Variants in SLC22A17 observed in about 807,000 individuals in gnomAD.
SLC22A17 encodes solute carrier family 22 member 17, also known as 24p3 receptor.
Under a neutral mutation model 53.6 loss-of-function variants are expected in SLC22A17, and 38 were observed. That is an observed-to-expected ratio of 0.71 (90% CI 0.55 to 0.93). The LOEUF is 0.93. Ranked by LOEUF, SLC22A17 falls within the 40% of genes least tolerant of loss-of-function variation. The pLI is 0.00. For synonymous variants in SLC22A17, 379 were observed against 353.0 expected, an observed-to-expected ratio of 1.07 and a Z score of -0.82; for missense variants, 704 against 791.0, an observed-to-expected ratio of 0.89 and a Z score of 1.32.
rs778843965 is a variant in SLC22A17 at position 23,347,411 on chromosome 14, G to C, written c.1549+49C>G. 1 of 1,592,324 alleles carries C rather than the reference G, an allele frequency of 6.3e-7. No individual in the cohort carries two copies. The highest frequency in any genetic ancestry group is 1.2e-5 in the South Asian group (1 of 86,812). Reference sequence around the variant, plus strand: ...AAGAGCTGGGCAGGGTCTGGGGCTTGTCTTGGGAGGCCTGTGCCAGAAGAA... The same window carrying C: ...AAGAGCTGGGCAGGGTCTGGGGCTTCTCTTGGGAGGCCTGTGCCAGAAGAA... On this transcript the variant is annotated intron_variant, in intron 8 of 9. Transcript: ENST00000397267. The surrounding 1 kb of genome is among the most constrained non-coding windows in gnomAD (Gnocchi z 5.1).
chr14:23,347,670 C>A lies in SLC22A17; in HGVS notation c.1339G>T (p.Asp447Tyr), dbSNP rs1180146545. ...GCCAGCAGAGAGCACAGGTAGAAGT[C>A]CGATGGGCTCCCTCCTCCTCCCACA... Residue 447 changes from aspartate to tyrosine, a missense_variant, in exon 8 of 10, where the codon GAC becomes TAC. Transcript: ENST00000397267. This position sits in a 1 kb window ranked among gnomAD's most constrained non-coding sequence, Gnocchi z 5.1. 1.9e-6 allele frequency: 3 copies of A among 1,614,026 alleles called. No homozygotes were observed. Among genetic ancestry groups the A allele is most frequent in the South Asian group, 2.2e-5 (2 of 91,080 alleles).
intron 2 of SLC22A17, 34 bp downstream of exon 2, chr14:23,351,914 G>T (rs1412531745): frequency 6.2e-7 from 1 of 1,611,224 alleles, no homozygotes; most frequent in Middle Eastern, 1.7e-4. Context: ...CTCTCTGCCC[G>T]CCCCCAGACC....
chr14:23,351,689 C>G, intron 3 of SLC22A17, 63 bp downstream of exon 3: 1 of 1,464,292 alleles, frequency 6.8e-7, no homozygotes, highest in Non-Finnish European at 9.4e-7. Flanking sequence ...ACGCCCGCTG[C>G]TTGGGTTAGC....
chr14:23,350,784 A>T (rs1889576966), intron 3 of SLC22A17: 1 of 152,364 alleles, frequency 6.6e-6, no homozygotes, highest in Admixed American at 6.5e-5. Context: ...TGTGGCAATG[A>T]GGCCACTGAT....
Position 23,352,129 on chromosome 14 carries a change from T to C in SLC22A17, c.419A>G (p.Gln140Arg), listed in dbSNP as rs772615374. 6.3e-7 allele frequency: 1 copy of C among 1,578,680 alleles called. No homozygotes were observed. Among genetic ancestry groups the C allele is most frequent in the Non-Finnish European group, 8.6e-7 (1 of 1,164,188 alleles). Residue 140 changes from glutamine (Q) to arginine (R), a missense_variant, in exon 2 of 10, where the codon CAG (glutamine) becomes CGG (arginine). Gln to Arg is a conservative substitution (Grantham distance 43). Coordinates refer to ENST00000397267, the Ensembl canonical transcript of SLC22A17. This position sits in a 1 kb window ranked among gnomAD's most constrained non-coding sequence, Gnocchi z 7.2. ...GCTGACGCCGCTGGCATTGGGAGGC[T>C]GCTCCCAGCCAGAGGCATTAGGGGG...
rs1296375264 is a variant in SLC22A17 at position 23,348,882 on chromosome 14, C to T, written c.860-211G>A. ...CCTCTCCTGCTCAAACCTAGGAGGG[C>T]TCTAGGGCCAGAGTCCTGGGTGAGT... On this transcript the variant is annotated intron_variant, in intron 4 of 9. Transcript: ENST00000397267. The surrounding 1 kb of genome is among the most constrained non-coding windows in gnomAD (Gnocchi z 4.5). The T allele has an allele frequency of 1.6e-6, 1 of 612,732 alleles. No homozygotes were observed. The highest frequency in any genetic ancestry group is 2.8e-6 in the Non-Finnish European group (1 of 352,050). 38.0% of individuals were successfully genotyped at this position (612,732 alleles called of 1,614,324 possible). A position where few individuals can be genotyped will look rare whatever the true frequency, so the allele number is the denominator to read the frequency against.
chr14:23,349,590 G>C, intron 3 of SLC22A17, 164 bp from the exon 4 acceptor site: 6 of 786,240 alleles, frequency 7.6e-6, no homozygotes, highest in Non-Finnish European at 1.2e-5. Context: ...GGGACCATGG[G>C]TGGGTGATGC....
At chr14:23,349,303 A>C in exon 4 of SLC22A17, 8 of 1,614,052 alleles carry the variant, frequency 5.0e-6, no homozygotes, top group Non-Finnish European at 6.8e-6. Flanking sequence ...CAACACCGGC[A>C]AGCAGAAAGC....
chr14:23,349,721 A>T, intron 3 of SLC22A17: 1 of 470,588 alleles, frequency 2.1e-6, no homozygotes, highest in Non-Finnish European at 3.8e-6. Context: ...AACAGAGGGG[A>T]TGGGATATTG....
chr14:23,347,009 C>T lies in SLC22A17; in HGVS notation c.1662-73G>A. 3 of 1,499,926 alleles carry T rather than the reference C, an allele frequency of 2.0e-6. No homozygotes were observed. The highest frequency in any genetic ancestry group is 2.7e-6 in the Non-Finnish European group (3 of 1,123,432). 92.9% of individuals were successfully genotyped at this position (1,499,926 alleles called of 1,614,324 possible). ...GGGCCCTTCTCCCGCAGCCCCCCTC[C>T]TCCAGCCCGCAGGCCCTGTCCTCAG... On this transcript the variant is annotated intron_variant, in intron 9 of 9. Transcript: ENST00000397267. The surrounding 1 kb of genome is among the most constrained non-coding windows in gnomAD (Gnocchi z 5.1).
Position 23,348,783 on chromosome 14 carries a change from G to T in SLC22A17, c.860-112C>A. 8.4e-7 allele frequency: 1 copy of T among 1,194,044 alleles called. No homozygotes were observed. Among genetic ancestry groups the T allele is most frequent in the Non-Finnish European group, 1.1e-6 (1 of 873,296 alleles). 74.0% of individuals were successfully genotyped at this position (1,194,044 alleles called of 1,614,324 possible). On this transcript the variant is annotated intron_variant, in intron 4 of 9. Coordinates refer to ENST00000397267, the Ensembl canonical transcript of SLC22A17. The surrounding 1 kb of genome is among the most constrained non-coding windows in gnomAD (Gnocchi z 4.5). ...GACAGAGAGAGAGGTCAGACCCAGA[G>T]TGGAGGCTGCAGCCATTGCCTCCCT...
chr14:23,346,568 G>A, exon 10 of SLC22A17: 1 of 1,416,796 alleles, frequency 7.1e-7, no homozygotes, highest in Non-Finnish European at 9.2e-7. Flanking sequence ...GGGCAGCCCT[G>A]CCTTCCCTAC....
At chr14:23,350,769 TG>T (rs751135504) in intron 3 of SLC22A17, 1 of 152,346 alleles carries the variant, frequency 6.6e-6, no homozygotes, top group Non-Finnish European at 1.5e-5. Context: ...ATGAGGCTAC[TG>T]GTCTGTGGCA....
exon 10 of SLC22A17, chr14:23,346,563 GC>G: frequency 2.8e-6 from 4 of 1,411,400 alleles, no homozygotes; most frequent in Non-Finnish European, 3.7e-6. Context: ...CTTCTGGGCA[GC>G]CCTGCCTTCC....
chr14:23,347,270 C>T lies in SLC22A17; in HGVS notation c.1550-58G>A. ...GTGGGGAGGTCAAGGCTGGCCTAGT[C>T]CCGGGTGTCATCCCCTTGGCTCTCT... On this transcript the variant is annotated intron_variant, in intron 8 of 9. Transcript: ENST00000397267. This position sits in a 1 kb window ranked among gnomAD's most constrained non-coding sequence, Gnocchi z 5.1. 6.5e-7 allele frequency: 1 copy of T among 1,527,032 alleles called. No individual in the cohort carries two copies. Among genetic ancestry groups the T allele is most frequent in the Non-Finnish European group, 8.9e-7 (1 of 1,120,428 alleles). The allele number at this position is 1,527,032 out of a possible 1,614,324, so 94.6% of individuals were successfully genotyped here.
At chr14:23,349,694 T>C in intron 3 of SLC22A17, 1 of 532,240 alleles carries the variant, frequency 1.9e-6, no homozygotes, top group Non-Finnish European at 3.4e-6. Flanking sequence ...CACTTGTCAA[T>C]GGATGTGACA....
At chr14:23,349,527 T>TG in intron 3 of SLC22A17, 101 bp from the exon 4 acceptor site, 1 of 1,380,220 alleles carries the variant, frequency 7.2e-7, no homozygotes, top group Non-Finnish European at 9.8e-7. Flanking sequence ...GGTATGAGAA[T>TG]GAAGTTCTGG....
At position 23,346,626 on chromosome 14, in the gene SLC22A17, C is replaced by T. The variant is rs182481019; in HGVS notation, c.*22G>A. Reference sequence around the variant, plus strand: ...CACCTTTCTGTGTGGGCCAGCCTCCCGCCAGGGTACTCAGAGGCCGCTCAG... The same window carrying T: ...CACCTTTCTGTGTGGGCCAGCCTCCTGCCAGGGTACTCAGAGGCCGCTCAG... On this transcript the variant is annotated 3_prime_UTR_variant, in exon 10 of 10. Transcript: ENST00000397267. The T allele has an allele frequency of 4.1e-4, 594 of 1,457,746 alleles. 7 individuals carry two copies. In the East Asian group the frequency reaches 0.012, roughly 30 times the overall value. 90.3% of individuals were successfully genotyped at this position (1,457,746 alleles called of 1,614,324 possible).
chr14:23,346,856 T>C lies in SLC22A17; in HGVS notation c.1742A>G (p.His581Arg), dbSNP rs1401939292. Residue 581 changes from histidine (H) to arginine (R), a missense_variant, in exon 10 of 10, where the codon CAT becomes CGT. Physicochemically the swap from His to Arg is conservative, Grantham distance 29. Transcript: ENST00000397267. ...CACCACGTGCTGCAGGAAGGCTCCA[T>C]GGCCCATGTGGAGGCGCTGGGCCGG... 2.6e-6 allele frequency: 4 copies of C among 1,539,426 alleles called. No individual in the cohort carries two copies. Among genetic ancestry groups the C allele is most frequent in the Middle Eastern group, 2.2e-4 (1 of 4,464 alleles).
Sources: allele counts gnomAD v4.1 joint callset, GRCh38; gene constraint gnomAD v4.1.1; non-coding constraint Gnocchi (gnomAD v3.1); transcripts MANE v1.5; gene names NCBI Gene and HGNC (gene_info 2026-07-23, HGNC 2026-07-21).